PLPP4: variants seen among roughly 807,000 people sequenced by gnomAD.
PLPP4 encodes diacylglycerol pyrophosphate like 2.
Under a neutral mutation model 32.2 loss-of-function variants are expected in PLPP4, and 20 were observed. That is an observed-to-expected ratio of 0.62 (90% CI 0.44 to 0.90). PLPP4 has a LOEUF of 0.90. Ranked by LOEUF, PLPP4 falls within the 40% of genes least tolerant of loss-of-function variation. PLPP4 has a pLI of 0.00. For missense variants in PLPP4, 257 were observed against 353.1 expected, an observed-to-expected ratio of 0.73 and a Z score of 2.18; for synonymous variants, 127 against 133.0, an observed-to-expected ratio of 0.95 and a Z score of 0.31.
intron 1 of PLPP4, among the ~76,000 whole-genome samples, chr10:120,476,602 G>T (rs775581713): frequency 6.6e-6 from 1 of 152,102 alleles, no homozygotes; most frequent in Non-Finnish European, 1.5e-5. Flanking sequence ...ATACTGGCCC[G>T]CCCACTGCGG....
chr10:120,481,644 C>T (rs1564786294), intron 1 of PLPP4, among the ~76,000 whole-genome samples: 1 of 152,146 alleles, frequency 6.6e-6, no homozygotes, highest in Non-Finnish European at 1.5e-5. Context: ...TCTGTGACCT[C>T]AGTGGAGCAG....
intron 5 of PLPP4, among the ~76,000 whole-genome samples, chr10:120,531,226 C>T (rs1846702579): frequency 6.6e-6 from 1 of 151,762 alleles, no homozygotes; most frequent in Non-Finnish European, 1.5e-5. Context: ...CTGCCTCAGC[C>T]TCCCAAGTAG....
chr10:120,531,830 C>T (rs10749376), intron 5 of PLPP4, among the ~76,000 whole-genome samples: 69,460 of 151,512 alleles, frequency 0.46, 16,004 homozygotes, highest in South Asian at 0.59. Flanking sequence ...TATATATGTA[C>T]ACACACTACA....
At chr10:120,476,975 G>A (rs1843953439) in intron 1 of PLPP4, among the ~76,000 whole-genome samples, 1 of 152,056 alleles carries the variant, frequency 6.6e-6, no homozygotes, top group African/African-American at 2.4e-5. Context: ...CCCTGACCTT[G>A]TCTTGCCTGT....
intron 5 of PLPP4, among the ~76,000 whole-genome samples, chr10:120,551,865 A>G (rs1426043331): frequency 6.6e-6 from 1 of 152,140 alleles, no homozygotes; most frequent in Non-Finnish European, 1.5e-5. Context: ...GCTCCTTCTC[A>G]TCTTTCAGGT....
chr10:120,479,251 CA>C (rs149315926), intron 1 of PLPP4, among the ~76,000 whole-genome samples: 8,415 of 150,742 alleles, frequency 0.056, 331 homozygotes, highest in South Asian at 0.12. Context: ...AAAAACAAAC[CA>C]AAAAAAAACC....
intron 5 of PLPP4, among the ~76,000 whole-genome samples, chr10:120,565,870 CAT>C (rs1848670301): frequency 6.6e-6 from 1 of 152,016 alleles, no homozygotes; most frequent in Admixed American, 6.6e-5. Flanking sequence ...CATTATTTTT[CAT>C]ATGTCTTTTT....
chr10:120,512,131 A>G (rs1192025645), intron 2 of PLPP4, among the ~76,000 whole-genome samples: 1 of 152,156 alleles, frequency 6.6e-6, no homozygotes, highest in East Asian at 1.9e-4. Context: ...GACCAGCTGT[A>G]TAAGCATGTT....
intron 1 of PLPP4, among the ~76,000 whole-genome samples, chr10:120,470,058 CA>C (rs1274052493): frequency 6.6e-6 from 1 of 152,210 alleles, no homozygotes; most frequent in Non-Finnish European, 1.5e-5. Flanking sequence ...ATTGTCCACC[CA>C]AAGAGCTACA....
intron 4 of PLPP4, among the ~76,000 whole-genome samples, chr10:120,519,492 C>G (rs998605421): frequency 6.6e-6 from 1 of 151,578 alleles, no homozygotes; most frequent in African/African-American, 2.4e-5. Flanking sequence ...TTTATTTTAT[C>G]TACTGGATGC....
rs533653778 is a variant in PLPP4, at chr10:120,478,964, C to T, written c.56+21603C>T. The stretch of plus-strand genomic sequence containing the variant: ...AAAACTGGCTGGGCGCAGTGGCTCA[C>T]GCCTGTAATCCCAGCACTTTGGGAG... On this transcript the variant is annotated intron_variant, in intron 1 of 6. Transcript: ENST00000398250. Among the ~76,000 whole-genome samples the T allele has an allele frequency of 2.7e-3, 417 of 152,322 alleles. 1 individual carries two copies. Among genetic ancestry groups the T allele is most frequent in the African/African-American group, 4.8e-3 (198 of 41,586 alleles).
chr10:120,502,937 C>G (rs1484845768), intron 1 of PLPP4, among the ~76,000 whole-genome samples: 2 of 152,148 alleles, frequency 1.3e-5, no homozygotes, highest in African/African-American at 4.8e-5. Flanking sequence ...CCCAGAAGCC[C>G]AAACCAGAAG....
chr10:120,462,737 C>G (rs143180246), intron 1 of PLPP4, among the ~76,000 whole-genome samples: 2 of 151,538 alleles, frequency 1.3e-5, no homozygotes, highest in African/African-American at 2.4e-5. Flanking sequence ...AAATAGAGAT[C>G]GAGGCCCGCA....
intron 6 of PLPP4, among the ~76,000 whole-genome samples, chr10:120,585,672 C>G (rs1849718373): frequency 6.6e-6 from 1 of 152,196 alleles, no homozygotes; most frequent in Non-Finnish European, 1.5e-5. Flanking sequence ...GCAACTTGCC[C>G]TGGTAGGGCC....
intron 1 of PLPP4, among the ~76,000 whole-genome samples, chr10:120,475,444 G>C (rs1473387899): frequency 2.0e-5 from 3 of 152,168 alleles, no homozygotes; most frequent in Non-Finnish European, 4.4e-5. Flanking sequence ...TTCATTGGGG[G>C]TTATATGAAT....
chr10:120,575,574 G>T (rs1401334594), intron 6 of PLPP4, among the ~76,000 whole-genome samples: 1 of 152,144 alleles, frequency 6.6e-6, no homozygotes, highest in Non-Finnish European at 1.5e-5. Flanking sequence ...TTGGTTTAGT[G>T]TCACCCTTGG....
chr10:120,462,803 T>G (rs10788091), intron 1 of PLPP4, among the ~76,000 whole-genome samples: 132,549 of 152,066 alleles, frequency 0.87, 60,159 homozygotes, highest in East Asian at 1. Context: ...GAAATACTTA[T>G]GTGCAGTCTA....
At chr10:120,488,091 G>A (rs557850838) in intron 1 of PLPP4, among the ~76,000 whole-genome samples, 3 of 152,182 alleles carry the variant, frequency 2.0e-5, no homozygotes, top group Admixed American at 6.5e-5. Context: ...GCCTTGTGGG[G>A]TGACATTATT....
chr10:120,574,370 T>G (rs1454495023), intron 5 of PLPP4, among the ~76,000 whole-genome samples: 1 of 152,098 alleles, frequency 6.6e-6, no homozygotes, highest in Non-Finnish European at 1.5e-5. Flanking sequence ...TAAATCTCAC[T>G]GAGCTCCCAA....
Sources: gnomAD v4.1 joint callset for allele counts (sites outside exome capture counted in the v4.1 genomes callset) on GRCh38, gnomAD v4.1.1 for gene constraint, MANE v1.5 for transcripts, NCBI Gene and HGNC (gene_info 2026-07-23, HGNC 2026-07-21) for gene names.